Variants in NNMT observed in about 807,000 individuals in gnomAD.
The protein encoded by NNMT is nicotinamide N-methyltransferase.
NNMT carries 10 observed loss-of-function variants against 11.7 expected under a neutral mutation model. That is an observed-to-expected ratio of 0.85 (90% CI 0.53 to 1.45). NNMT has a LOEUF of 1.45. Among genes scored for constraint, NNMT ranks in the 40% most tolerant of loss-of-function variants. The probability of loss-of-function intolerance (pLI) is 0.00; values close to 1 mark genes in which losing one functional copy is unlikely to be tolerated. For synonymous variants in NNMT, 143 were observed against 133.8 expected, an observed-to-expected ratio of 1.07 and a Z score of -0.48; for missense variants, 381 against 319.4, an observed-to-expected ratio of 1.19 and a Z score of -1.47.
intron 2 of NNMT, among the ~76,000 whole-genome samples, chr11:114,263,259 C>A (rs1945097210): frequency 6.6e-6 from 1 of 150,500 alleles, no homozygotes; most frequent in African/African-American, 2.5e-5. Context: ...AACTGAGTAC[C>A]CCCCCTGTTT....
upstream of NNMT, among the ~76,000 whole-genome samples, chr11:114,294,945 G>A (rs548989331): frequency 5.9e-5 from 9 of 152,184 alleles, no homozygotes; most frequent in Non-Finnish European, 1.0e-4. Flanking sequence ...CTTACGCCCT[G>A]GCATAAGGGC....
At chr11:114,262,266 T>A (rs1383499570) in intron 1 of NNMT, among the ~76,000 whole-genome samples, 1 of 152,172 alleles carries the variant, frequency 6.6e-6, no homozygotes, top group Non-Finnish European at 1.5e-5. Context: ...TAGGCAAACA[T>A]GCGCCTTGGT....
chr11:114,291,164 T>G (rs1429890298), intron 2 of NNMT, among the ~76,000 whole-genome samples: 1 of 152,238 alleles, frequency 6.6e-6, no homozygotes, highest in East Asian at 1.9e-4. Flanking sequence ...CAATAAATAC[T>G]ACCTATTTTG....
intron 2 of NNMT, among the ~76,000 whole-genome samples, chr11:114,298,591 T>C (rs1894030): frequency 0.036 from 5,516 of 152,276 alleles, 186 homozygotes; most frequent in East Asian, 0.081. Context: ...TCCAAGCCTA[T>C]AGAACTTGGC....
chr11:114,270,058 G>C (rs1010534490), intron 2 of NNMT, among the ~76,000 whole-genome samples: 1 of 152,104 alleles, frequency 6.6e-6, no homozygotes, highest in East Asian at 1.9e-4. Flanking sequence ...AAATTTCCGG[G>C]TGGTAGAGTC....
At chr11:114,302,484 A>G (rs1433167343) in intron 2 of NNMT, among the ~76,000 whole-genome samples, 3 of 151,972 alleles carry the variant, frequency 2.0e-5, no homozygotes, top group Admixed American at 2.0e-4. Context: ...TGTTCTTGTC[A>G]TGTATTTTAT....
At chr11:114,306,158 T>G (rs1201427468) in intron 2 of NNMT, among the ~76,000 whole-genome samples, 1 of 152,242 alleles carries the variant, frequency 6.6e-6, no homozygotes, top group Non-Finnish European at 1.5e-5. Context: ...TTTTGAGAAG[T>G]GTCTGTTCAT....
At chr11:114,311,603 A>G (rs1213887555) in intron 2 of NNMT, among the ~76,000 whole-genome samples, 1 of 152,254 alleles carries the variant, frequency 6.6e-6, no homozygotes, top group Non-Finnish European at 1.5e-5. Context: ...ATGTTTCAGC[A>G]TTTGAAACCC....
At chr11:114,309,830 T>C (rs1324192526) in intron 2 of NNMT, among the ~76,000 whole-genome samples, 1 of 152,222 alleles carries the variant, frequency 6.6e-6, no homozygotes, top group East Asian at 1.9e-4. Flanking sequence ...GCTTTCAGTC[T>C]CTGTAGCTTT....
intron 2 of NNMT, chr11:114,269,368 TG>T (rs902413534): frequency 5.3e-5 from 8 of 152,338 alleles, no homozygotes; most frequent in African/African-American, 1.9e-4. Flanking sequence ...ATCCAACTTC[TG>T]GGCAGACTGA....
chr11:114,292,297 A>G (rs909658324), upstream of NNMT, among the ~76,000 whole-genome samples: 5 of 152,198 alleles, frequency 3.3e-5, no homozygotes, highest in African/African-American at 1.2e-4. Flanking sequence ...AGCCAGACAT[A>G]TTACTGGAAC....
At chr11:114,301,057 C>T (rs1183106439) in intron 2 of NNMT, among the ~76,000 whole-genome samples, 2 of 152,216 alleles carry the variant, frequency 1.3e-5, no homozygotes, top group African/African-American at 2.4e-5. Context: ...CACCACTACA[C>T]ACCTATTAGA....
At chr11:114,261,310 G>A (rs1945078619) in intron 1 of NNMT, among the ~76,000 whole-genome samples, 1 of 152,150 alleles carries the variant, frequency 6.6e-6, no homozygotes, top group Non-Finnish European at 1.5e-5. Flanking sequence ...GGCCGGGCGC[G>A]GTGGCTCACG....
chr11:114,312,481 C>T lies in NNMT; in HGVS notation c.*4C>T. The T allele has an allele frequency of 1.9e-6, 3 of 1,609,500 alleles. No individual in the cohort carries two copies. The highest frequency in any genetic ancestry group is 2.5e-6 in the Non-Finnish European group (3 of 1,177,142). On this transcript the variant is annotated 3_prime_UTR_variant, in exon 3 of 3. Transcript: ENST00000299964. ...GAAGCTGAGCAGACCCCTGTGATGC[C>T]TGTGACCTCAATTAAAGCAATTCCT...
chr11:114,301,944 C>G (rs1945442942), intron 2 of NNMT, among the ~76,000 whole-genome samples: 1 of 151,886 alleles, frequency 6.6e-6, no homozygotes, highest in African/African-American at 2.4e-5. Flanking sequence ...CCCAGTTGAA[C>G]CAGAAAAAAC....
intron 2 of NNMT, among the ~76,000 whole-genome samples, chr11:114,304,889 A>G (rs1218283888): frequency 6.6e-6 from 1 of 152,226 alleles, no homozygotes; most frequent in African/African-American, 2.4e-5. Flanking sequence ...ACAACTATCC[A>G]AAAAAGTTTT....
At chr11:114,307,092 G>C (rs1022959634) in intron 2 of NNMT, among the ~76,000 whole-genome samples, 1 of 152,164 alleles carries the variant, frequency 6.6e-6, no homozygotes, top group African/African-American at 2.4e-5. Context: ...CTTTTACAAG[G>C]ATGCCTCTCT....
In NNMT at chr11:114,312,069, G is replaced by T; in HGVS notation, c.387G>T (p.Glu129Asp). The T allele has an allele frequency of 6.3e-7, 1 of 1,584,850 alleles. No homozygotes were observed. Among genetic ancestry groups the T allele is most frequent in the Non-Finnish European group, 8.6e-7 (1 of 1,161,546 alleles). Residue 129 changes from glutamate (E) to aspartate (D), a missense_variant, in exon 3 of 3, where the codon GAG (glutamate) becomes GAT (aspartate). Transcript: ENST00000299964. ...GAGTCAAGGGTCCAGAGAAGGAGGA[G>T]AAGTTGAGACAGGCGGTCAAGCAGG... Reference protein sequence around the residue: ...GNRVKGPEKEEKLRQAVKQVL... With the variant: ...GNRVKGPEKEDKLRQAVKQVL...
intron 2 of NNMT, among the ~76,000 whole-genome samples, chr11:114,269,182 C>A (rs1945149457): frequency 6.6e-6 from 1 of 152,210 alleles, no homozygotes; most frequent in African/African-American, 2.4e-5. Flanking sequence ...ATACATCAAC[C>A]TATTATCTTA....
Sources: allele counts gnomAD v4.1 joint callset (sites outside exome capture counted in the v4.1 genomes callset), GRCh38; gene constraint gnomAD v4.1.1; transcripts MANE v1.5; gene names NCBI Gene and HGNC (gene_info 2026-07-23, HGNC 2026-07-21).